The following ZPBP variants were observed in gnomAD, a reference collection of about 807,000 sequenced individuals.
ZPBP encodes zona pellucida-binding protein 1.
A neutral mutation model predicts 44.8 loss-of-function variants in ZPBP; 26 were observed. The ratio of observed to expected loss-of-function variants is 0.58; its 90% confidence interval spans 0.43 to 0.81. ZPBP has a LOEUF of 0.81. ZPBP is among the 30% of genes least tolerant of loss of function. The pLI is 0.00. For synonymous variants in ZPBP, 174 were observed against 153.2 expected, an observed-to-expected ratio of 1.14 and a Z score of -1.00; for missense variants, 409 against 434.0, an observed-to-expected ratio of 0.94 and a Z score of 0.51.
chr7:50,069,879 G>A lies in ZPBP; in HGVS notation c.335-11738C>T, dbSNP rs115686088. Among the ~76,000 whole-genome samples, 411 of 152,176 alleles carry A rather than the reference G, an allele frequency of 2.7e-3. 2 individuals carry two copies. The highest frequency in any genetic ancestry group is 9.2e-3 in the African/African-American group (381 of 41,520). Reference sequence around the variant, plus strand: ...CTATCAGCCTTATGCAACGTCCTCAGTCTGATTTCCCCAACACTCGCCTTG... The same window carrying A: ...CTATCAGCCTTATGCAACGTCCTCAATCTGATTTCCCCAACACTCGCCTTG... On this transcript the variant is annotated intron_variant, in intron 3 of 7. Coordinates refer to ENST00000046087, the MANE Select transcript of ZPBP (RefSeq NM_007009.3).
chr7:49,929,842 T>A (rs1794387010), intron 1 of ZPBP, among the ~76,000 whole-genome samples: 1 of 152,202 alleles, frequency 6.6e-6, no homozygotes, highest in African/African-American at 2.4e-5. Context: ...ATGTTACTAA[T>A]GTGAAGGGTG....
intron 2 of ZPBP, among the ~76,000 whole-genome samples, chr7:49,896,255 C>T (rs1037382473): frequency 3.3e-5 from 5 of 152,088 alleles, no homozygotes; most frequent in African/African-American, 9.7e-5. Context: ...GCACAAGAAT[C>T]GCTTGAACCC....
chr7:50,072,530 T>C (rs1179033050), intron 3 of ZPBP, among the ~76,000 whole-genome samples: 1 of 152,198 alleles, frequency 6.6e-6, no homozygotes, highest in Non-Finnish European at 1.5e-5. Flanking sequence ...ATGGAGTGGT[T>C]ACAGCAGGCC....
At chr7:50,050,911 G>T (rs1800662523) in intron 4 of ZPBP, among the ~76,000 whole-genome samples, 1 of 151,016 alleles carries the variant, frequency 6.6e-6, no homozygotes, top group South Asian at 2.1e-4. Flanking sequence ...AAAAGCAATT[G>T]CAACAAAAGC....
At chr7:49,927,939 A>G (rs1409436590) in intron 1 of ZPBP, among the ~76,000 whole-genome samples, 1 of 152,146 alleles carries the variant, frequency 6.6e-6, no homozygotes, top group Non-Finnish European at 1.5e-5. Flanking sequence ...ACAGATTTCG[A>G]TATGAACACA....
At chr7:49,908,240 A>G (rs1381756477) in intron 1 of ZPBP, among the ~76,000 whole-genome samples, 1 of 152,130 alleles carries the variant, frequency 6.6e-6, no homozygotes, top group African/African-American at 2.4e-5. Flanking sequence ...TGAATTCCAA[A>G]AGGAGGAGGT....
At chr7:49,938,227 G>T (rs1301504460) in intron 7 of ZPBP, among the ~76,000 whole-genome samples, 1 of 151,640 alleles carries the variant, frequency 6.6e-6, no homozygotes, top group Non-Finnish European at 1.5e-5. Context: ...ATTTTAGGTG[G>T]AAAGAGACTG....
chr7:49,925,789 T>C (rs1212401115), intron 1 of ZPBP, among the ~76,000 whole-genome samples: 1 of 152,230 alleles, frequency 6.6e-6, no homozygotes, highest in Non-Finnish European at 1.5e-5. Context: ...ATTACACATA[T>C]TCTCCCCTCT....
At chr7:49,958,393 T>A (rs187790054) in intron 7 of ZPBP, among the ~76,000 whole-genome samples, 1 of 152,318 alleles carries the variant, frequency 6.6e-6, no homozygotes, top group East Asian at 1.9e-4. Flanking sequence ...AAAGTATATG[T>A]TGGAAACTTA....
chr7:49,922,831 C>T (rs1233057123), intron 1 of ZPBP, among the ~76,000 whole-genome samples: 1 of 152,106 alleles, frequency 6.6e-6, no homozygotes, highest in Non-Finnish European at 1.5e-5. Context: ...TTCAGAATCA[C>T]AGTCTCCTAA....
chr7:50,034,790 T>C (rs769437692), intron 4 of ZPBP, among the ~76,000 whole-genome samples: 1 of 152,226 alleles, frequency 6.6e-6, no homozygotes, highest in Non-Finnish European at 1.5e-5. Flanking sequence ...TCAATCTGTT[T>C]CTCACCCTTT....
chr7:49,898,718 G>A (rs1184094004), intron 2 of ZPBP, among the ~76,000 whole-genome samples: 3 of 151,908 alleles, frequency 2.0e-5, no homozygotes, highest in Non-Finnish European at 4.4e-5. Context: ...AGAAGAATTA[G>A]GTTTATTTTG....
rs1794262255 is a variant in ZPBP at position 49,927,028 on chromosome 7, C to A, written n.411+8723G>T. 2.0e-5 allele frequency among the ~76,000 whole-genome samples: 3 copies of A among 152,206 alleles called. 1 individual carries two copies. Among genetic ancestry groups the A allele is most frequent in the Admixed American group, 2.0e-4 (3 of 15,282 alleles). On this transcript the variant is annotated intron_variant and non_coding_transcript_variant, in intron 1 of 2. Transcript: ENST00000465922. ...GGAGCCACTGGTCAGTGACTCCTTA[C>A]AGCAGAAGGTCAGAGAGCCACATTT...
chr7:50,042,792 T>C (rs987682824), intron 4 of ZPBP, among the ~76,000 whole-genome samples: 1 of 152,172 alleles, frequency 6.6e-6, no homozygotes, highest in Non-Finnish European at 1.5e-5. Flanking sequence ...AGCATCATAA[T>C]GACAGGATAA....
intron 7 of ZPBP, among the ~76,000 whole-genome samples, chr7:49,950,379 A>G (rs1795287579): frequency 6.6e-6 from 1 of 151,874 alleles, no homozygotes; most frequent in Non-Finnish European, 1.5e-5. Flanking sequence ...AAATTAATAT[A>G]TACATATGCA....
intron 2 of ZPBP, among the ~76,000 whole-genome samples, chr7:49,893,366 T>C (rs1342178027): frequency 6.6e-6 from 1 of 152,164 alleles, no homozygotes; most frequent in Admixed American, 6.5e-5. Flanking sequence ...AGACAGGATA[T>C]TAATTTGGCA....
At chr7:50,029,890 C>G (rs972841387) in intron 5 of ZPBP, among the ~76,000 whole-genome samples, 11 of 152,124 alleles carry the variant, frequency 7.2e-5, no homozygotes, top group African/African-American at 2.4e-4. Context: ...GATTCTCACT[C>G]TGTCAGCCAG....
chr7:49,968,740 C>G (rs1796162174), intron 7 of ZPBP, among the ~76,000 whole-genome samples: 1 of 151,866 alleles, frequency 6.6e-6, no homozygotes, highest in Admixed American at 6.6e-5. Flanking sequence ...TGCAATTACA[C>G]TCATAATATC....
At chr7:49,864,710 T>C (rs1232942749) in intron 2 of ZPBP, among the ~76,000 whole-genome samples, 1 of 152,210 alleles carries the variant, frequency 6.6e-6, no homozygotes, top group Non-Finnish European at 1.5e-5. Context: ...CCAGACAGTT[T>C]CAAACAGACA....
Sources: gnomAD v4.1 joint callset for allele counts (sites outside exome capture counted in the v4.1 genomes callset) on GRCh38, gnomAD v4.1.1 for gene constraint, MANE v1.5 for transcripts, NCBI Gene and HGNC (gene_info 2026-07-23, HGNC 2026-07-21) for gene names.